Variants in ANK3 observed in about 807,000 individuals in gnomAD.
The protein encoded by ANK3 is ankyrin 3.
A neutral mutation model predicts 370.9 loss-of-function variants in ANK3; 57 were observed. The ratio of observed to expected loss-of-function variants is 0.15; its 90% CI spans 0.12 to 0.19. ANK3 has a LOEUF of 0.19. ANK3 is among the 10% of genes least tolerant of loss of function. The pLI is 1.00. For missense variants in ANK3, 4,439 were observed against 5,302.1 expected (o/e 0.84, Z 5.06); for synonymous variants, 1,929 against 1,946.3 (o/e 0.99, Z 0.23).
intron 1 of ANK3, among the ~76,000 whole-genome samples, chr10:60,310,295 G>T (rs1358432127): frequency 6.6e-6 from 1 of 152,036 alleles, no homozygotes; most frequent in Non-Finnish European, 1.5e-5. Flanking sequence ...AGGTTTCCAG[G>T]AATCTTCAAT....
At chr10:60,638,247 A>G (rs976375705) in intron 1 of ANK3, among the ~76,000 whole-genome samples, 3 of 152,190 alleles carry the variant, frequency 2.0e-5, no homozygotes, top group African/African-American at 7.2e-5. Flanking sequence ...TCATGTTGCC[A>G]TCAGCCAGAG....
rs181663516 is a variant in ANK3 at position 60,523,272 on chromosome 10, G to A, written c.96+91914C>T. 4.0e-5 allele frequency among the ~76,000 whole-genome samples: 6 copies of A among 151,374 alleles called. No individual in the cohort carries two copies. The East Asian group carries it at 1.2e-3, about 30-fold the overall frequency. ...ATTATTATTATACTTTAAGTTTTAG[G>A]GTACATGTGCACAATGTGCAGGTTA... On this transcript the variant is annotated intron_variant, in intron 2 of 43. Transcript: ENST00000373827.
intron 1 of ANK3, among the ~76,000 whole-genome samples, chr10:60,655,458 T>C (rs1564497510): frequency 6.6e-6 from 1 of 151,462 alleles, no homozygotes; most frequent in Non-Finnish European, 1.5e-5. Context: ...AAAAATAAAA[T>C]GAAAAATATT....
At chr10:60,285,215 T>C (rs1053281912) in intron 1 of ANK3, among the ~76,000 whole-genome samples, 1 of 152,126 alleles carries the variant, frequency 6.6e-6, no homozygotes, top group African/African-American at 2.4e-5. Flanking sequence ...AACCTACTGT[T>C]AGGATAAAAT....
chr10:60,698,483 C>G (rs2133414114), intron 1 of ANK3, among the ~76,000 whole-genome samples: 1 of 150,596 alleles, frequency 6.6e-6, no homozygotes, highest in East Asian at 2.0e-4. Context: ...TTCACAATAG[C>G]AAAGACTTGG....
At chr10:60,731,045 G>A (rs544195628) in intron 1 of ANK3, among the ~76,000 whole-genome samples, 7 of 152,030 alleles carry the variant, frequency 4.6e-5, no homozygotes, top group African/African-American at 1.7e-4. Flanking sequence ...TAACACATCC[G>A]ACAAAAATAT....
At chr10:60,653,849 CAG>C (rs1347231285) in intron 1 of ANK3, among the ~76,000 whole-genome samples, 2 of 152,170 alleles carry the variant, frequency 1.3e-5, no homozygotes, top group Non-Finnish European at 2.9e-5. Context: ...GCTTGGGTGA[CAG>C]AGCAAGAACG....
At chr10:60,391,989 A>T (rs1464845259), upstream of ANK3, among the ~76,000 whole-genome samples, 1 of 152,182 alleles carries the variant, frequency 6.6e-6, no homozygotes, top group Non-Finnish European at 1.5e-5. Flanking sequence ...AGAAAATGTG[A>T]TCTTTTATCT....
intron 27 of ANK3, among the ~76,000 whole-genome samples, chr10:60,108,437 C>T (rs2092409059): frequency 6.6e-6 from 1 of 152,170 alleles, no homozygotes; most frequent in South Asian, 2.1e-4. Flanking sequence ...TACCATATCA[C>T]AATGAACTGT....
At chr10:60,244,676 C>T (rs879782016) in intron 7 of ANK3, among the ~76,000 whole-genome samples, 6 of 151,936 alleles carry the variant, frequency 3.9e-5, no homozygotes, top group South Asian at 2.1e-4. Flanking sequence ...TATATAGAAA[C>T]GGAAAAATGA....
intron 14 of ANK3, 33 bp downstream of exon 14, chr10:60,198,307 G>A (rs372940312): frequency 2.8e-5 from 45 of 1,606,706 alleles, no homozygotes; most frequent in Admixed American, 5.0e-5. Context: ...TATTTGGGGG[G>A]ACAGAGCAGG....
At chr10:60,104,604 T>A (rs531822762) in intron 28 of ANK3, among the ~76,000 whole-genome samples, 3 of 152,170 alleles carry the variant, frequency 2.0e-5, no homozygotes, top group South Asian at 2.1e-4. Flanking sequence ...TCCTTTCTTT[T>A]TAAATTTTTC....
At chr10:60,146,408 A>C (rs1045656467) in intron 23 of ANK3, among the ~76,000 whole-genome samples, 4 of 152,178 alleles carry the variant, frequency 2.6e-5, no homozygotes, top group Non-Finnish European at 5.9e-5. Context: ...CCAGGTAAAG[A>C]GCATAGTACC....
chr10:60,336,564 GATCT>G (rs78424635), intron 1 of ANK3, among the ~76,000 whole-genome samples: 15,050 of 150,498 alleles, frequency 0.1, 1,530 homozygotes, highest in African/African-American at 0.27. Flanking sequence ...GGAATCTGGA[GATCT>G]ATCTATCTAT....
chr10:60,388,311 G>A (rs2062698353), intron 1 of ANK3, among the ~76,000 whole-genome samples: 1 of 152,128 alleles, frequency 6.6e-6, no homozygotes, highest in Admixed American at 6.6e-5. Context: ...GTCTTCTATA[G>A]ATCCTAACTC....
In ANK3 at chr10:60,614,538, T is replaced by C. The variant is rs374724079; in HGVS notation, c.96+648A>G. Among the ~76,000 whole-genome samples, 451 of 152,206 alleles carry C rather than the reference T, an allele frequency of 3.0e-3. 2 individuals carry two copies. Among genetic ancestry groups the C allele is most frequent in the African/African-American group, 0.01 (424 of 41,540 alleles). ...TGGATGGCATGAGCACATGGAAAGA[T>C]GAATGGTGATGACTCCAGGAAGATG... On this transcript the variant is annotated intron_variant, in intron 2 of 43. Transcript: ENST00000373827.
intron 1 of ANK3, among the ~76,000 whole-genome samples, chr10:60,689,124 G>C (rs897277127): frequency 5.9e-5 from 9 of 152,156 alleles, no homozygotes; most frequent in African/African-American, 9.6e-5. Flanking sequence ...ATTTGGCTAG[G>C]AACAGTGGGT....
chr10:60,286,551 T>C (rs2040071617), intron 1 of ANK3, among the ~76,000 whole-genome samples: 1 of 152,184 alleles, frequency 6.6e-6, no homozygotes, highest in Non-Finnish European at 1.5e-5. Context: ...GTCATTAATA[T>C]TCTGGCACTA....
intron 1 of ANK3, among the ~76,000 whole-genome samples, chr10:60,334,430 G>A (rs1405635075): frequency 2.0e-5 from 3 of 152,092 alleles, no homozygotes; most frequent in African/African-American, 7.2e-5. Flanking sequence ...CTCTTAGCAA[G>A]CCAGCATCAC....
Sources: allele counts gnomAD v4.1 joint callset (sites outside exome capture counted in the v4.1 genomes callset), GRCh38; gene constraint gnomAD v4.1.1; transcripts MANE v1.5; gene names NCBI Gene and HGNC (gene_info 2026-07-23, HGNC 2026-07-21).